The following SPTBN4 variants were observed in gnomAD, a reference collection of about 807,000 sequenced individuals.
The protein encoded by SPTBN4 is spectrin beta chain, non-erythrocytic 4.
Under a neutral mutation model 277.8 loss-of-function variants are expected in SPTBN4, and 96 were observed. The ratio of observed to expected loss-of-function variants is 0.35; its 90% confidence interval spans 0.29 to 0.41. SPTBN4 has a LOEUF of 0.41. Among genes scored for constraint, SPTBN4 ranks in the 10% least tolerant of loss-of-function variants. SPTBN4 has a pLI of 1.00. For missense variants in SPTBN4, 3,006 were observed against 3,595.7 expected, an observed-to-expected ratio of 0.84 and a Z score of 4.19; for synonymous variants, 1,481 against 1,580.3, an observed-to-expected ratio of 0.94 and a Z score of 1.49.
Position 40,565,405 on chromosome 19 carries a change from G to A in SPTBN4, c.5916-18G>A. The A allele has an allele frequency of 6.2e-7, 1 of 1,605,776 alleles. No individual in the cohort carries two copies. The highest frequency in any genetic ancestry group is 8.5e-7 in the Non-Finnish European group (1 of 1,175,180). ...GAGGCTCCCTGTGGCTCAGATCCCT[G>A]CCTGCCACCCACTGCAGGGACGTGT... On this transcript the variant is annotated intron_variant, in intron 27 of 35. Transcript: ENST00000598249.
intron 25 of SPTBN4, among the ~76,000 whole-genome samples, chr19:40,556,700 T>G (rs1379161970): frequency 6.6e-6 from 1 of 151,848 alleles, no homozygotes; most frequent in Non-Finnish European, 1.5e-5. Context: ...CCAAGGCAGG[T>G]GGATCACTTG....
chr19:40,569,993 C>CACAG (rs2081137475), intron 32 of SPTBN4, among the ~76,000 whole-genome samples: 2 of 150,436 alleles, frequency 1.3e-5, no homozygotes, highest in African/African-American at 5.0e-5. Context: ...CACACAGACA[C>CACAG]ACACACACAG....
chr19:40,519,364 C>T lies in SPTBN4; in HGVS notation c.2904-37C>T. 6.8e-7 allele frequency: 1 copy of T among 1,472,836 alleles called. No homozygotes were observed. Among genetic ancestry groups the T allele is most frequent in the Non-Finnish European group, 9.0e-7 (1 of 1,113,608 alleles). 91.2% of individuals were successfully genotyped at this position (1,472,836 alleles called of 1,614,324 possible). A position where few individuals can be genotyped will look rare whatever the true frequency, so the allele number is the denominator to read the frequency against. ...GGGCCCTCCGCGCCCAAGAGGAGTCCCTGTCCTCCTCAAGTCACTCTCTTT... is the reference window on the plus strand; with the variant it reads ...GGGCCCTCCGCGCCCAAGAGGAGTCTCTGTCCTCCTCAAGTCACTCTCTTT... On this transcript the variant is annotated intron_variant, in intron 15 of 35. Transcript: ENST00000598249. The surrounding 1 kb of genome is among the most constrained non-coding windows in gnomAD (Gnocchi z 5.7).
At chr19:40,470,297 C>T (rs2145794168) in intron 1 of SPTBN4, among the ~76,000 whole-genome samples, 1 of 151,932 alleles carries the variant, frequency 6.6e-6, no homozygotes, top group South Asian at 2.1e-4. Flanking sequence ...CCGTGCCCGG[C>T]CTATTTTTAT....
intron 6 of SPTBN4, among the ~76,000 whole-genome samples, chr19:40,496,719 T>G (rs1418509865): frequency 3.3e-5 from 5 of 152,150 alleles, no homozygotes; most frequent in Admixed American, 3.3e-4. Context: ...GTCCTCACAC[T>G]TCTAACCACT....
At chr19:40,565,627 C>G in intron 28 of SPTBN4, 34 bp from the exon 29 acceptor site, 1 of 1,559,656 alleles carries the variant, frequency 6.4e-7, no homozygotes. Context: ...CATTCCACAC[C>G]CTGACTTCCC....
chr19:40,554,479 C>T lies in SPTBN4; in HGVS notation c.4954-37C>T. 2 of 1,486,696 alleles carry T rather than the reference C, an allele frequency of 1.3e-6. No individual in the cohort carries two copies. Among genetic ancestry groups the T allele is most frequent in the South Asian group, 2.7e-5 (2 of 74,320 alleles). 92.1% of individuals were successfully genotyped at this position (1,486,696 alleles called of 1,614,324 possible). A position where few individuals can be genotyped will look rare whatever the true frequency, so the allele number is the denominator to read the frequency against. The stretch of plus-strand genomic sequence containing the variant: ...CTGGGGGCGCTGGAGCCGGGGGCCG[C>T]CGCTGCCGCCTCATCGTGGGCGCTT... On this transcript the variant is annotated intron_variant, in intron 23 of 35. Coordinates refer to ENST00000598249, the MANE Select transcript of SPTBN4 (RefSeq NM_020971.3). The surrounding 1 kb of genome is among the most constrained non-coding windows in gnomAD (Gnocchi z 5.7).
At chr19:40,522,567 G>A (rs535144574) in intron 16 of SPTBN4, among the ~76,000 whole-genome samples, 1 of 150,378 alleles carries the variant, frequency 6.6e-6, no homozygotes, top group Admixed American at 6.6e-5. Context: ...GGCCAGGCTG[G>A]TCTCGAACTC....
intron 13 of SPTBN4, among the ~76,000 whole-genome samples, chr19:40,509,451 G>T (rs1405018355): frequency 6.6e-6 from 1 of 152,040 alleles, no homozygotes; most frequent in South Asian, 2.1e-4. Flanking sequence ...CTCCATGTTG[G>T]TCAGGCTGGT....
At chr19:40,514,497 T>C (rs932071996) in intron 14 of SPTBN4, among the ~76,000 whole-genome samples, 1 of 152,174 alleles carries the variant, frequency 6.6e-6, no homozygotes. Context: ...ACTGATGGGC[T>C]GGAGCGATTT....
In SPTBN4 at chr19:40,513,274, G is replaced by A. The variant is rs1438416625; in HGVS notation, c.2485G>A (p.Val829Met). The change falls in exon 14 of 36, where the codon GTG becomes ATG. Residue 829 changes from valine to methionine, a missense_variant. Physicochemically the swap from Val to Met is conservative, Grantham distance 21. This residue lies in a region of SPTBN4 where 1,759 missense variants were observed against 2,061.5 expected (regional missense o/e 0.85). Coordinates refer to ENST00000598249, the MANE Select transcript of SPTBN4 (RefSeq NM_020971.3). Reference protein sequence around the residue: ...TGEVEAHRGPVSGLRRQLATL... With the variant: ...TGEVEAHRGPMSGLRRQLATL... ...GGAGGTGGAGGCACATCGCGGGCCC[G>A]TGAGCGGCCTGCGGCGCCAGCTGGC... 2.6e-6 allele frequency: 4 copies of A among 1,535,126 alleles called. No individual in the cohort carries two copies. Among genetic ancestry groups the A allele is most frequent in the South Asian group, 2.4e-5 (2 of 83,090 alleles).
chr19:40,575,860 C>A lies in SPTBN4; in HGVS notation c.*291C>A. The A allele has an allele frequency of 3.6e-6, 1 of 274,710 alleles. No individual in the cohort carries two copies. Among genetic ancestry groups the A allele is most frequent in the Non-Finnish European group, 7.0e-6 (1 of 143,182 alleles). The allele number at this position is 274,710 out of a possible 1,614,324, so 17.0% of individuals were successfully genotyped here. ...AGCTTGATGGGGGTGGGCAGGGGGC[C>A]AGTTGAGCCAAGCCCCCAGCCCCGA... is the stretch of plus-strand genomic sequence containing the variant. On this transcript the variant is annotated 3_prime_UTR_variant, in exon 36 of 36. Transcript: ENST00000598249.
At chr19:40,481,539 G>T (rs892055758) in intron 2 of SPTBN4, among the ~76,000 whole-genome samples, 1 of 152,088 alleles carries the variant, frequency 6.6e-6, no homozygotes, top group African/African-American at 2.4e-5. Context: ...GCAGTGGCGC[G>T]ATCTCTGCTC....
At chr19:40,556,994 G>A (rs755620911) in intron 25 of SPTBN4, 29 bp from the exon 26 acceptor site, 296 of 1,507,768 alleles carry the variant, frequency 2.0e-4, no homozygotes, top group Admixed American at 5.0e-4. Context: ...TCACTTTGCT[G>A]TACCCCCCCC....
At position 40,570,605 on chromosome 19, in the gene SPTBN4, G is replaced by A; in HGVS notation, c.7196G>A (p.Arg2399His). 7.2e-7 allele frequency: 1 copy of A among 1,390,254 alleles called. No individual in the cohort carries two copies. The highest frequency in any genetic ancestry group is 9.3e-7 in the Non-Finnish European group (1 of 1,071,748). The allele number at this position is 1,390,254 out of a possible 1,614,324, so 86.1% of individuals were successfully genotyped here. ...GAGGGCGGGGGAAGCCGGCGCTCGC[G>A]CTCCGCCCCGGCCCAGGGCGGCTCC... ...GGEGGGSRRS[R>H]SAPAQGGSAP... Residue 2399 changes from arginine (R) to histidine (H), a missense_variant, in exon 33 of 36, where the codon CGC (arginine) becomes CAC (histidine). Arg to His is a conservative substitution (Grantham distance 29). Coordinates refer to ENST00000598249, the MANE Select transcript of SPTBN4 (RefSeq NM_020971.3).
rs1047643497 is a variant in SPTBN4, at chr19:40,475,662, A to G, written c.169+2872A>G. ...TTTTTAATTGAGGCGGGGTTTCACC[A>G]TGATGGCCAGGCTGGTCTTGAACTC... On this transcript the variant is annotated intron_variant, in intron 2 of 35. Transcript: ENST00000598249. Among the ~76,000 whole-genome samples the G allele has an allele frequency of 2.2e-5, 3 of 136,884 alleles. No homozygotes were observed. The East Asian group carries it at 7.1e-4, about 32-fold the overall frequency. 89.8% of individuals were successfully genotyped at this position (136,884 alleles called of 152,430 possible).
In SPTBN4 at chr19:40,560,984, G is replaced by A. The variant is rs1051283865; in HGVS notation, c.5915+581G>A. 1.3e-5 allele frequency among the ~76,000 whole-genome samples: 2 copies of A among 152,100 alleles called. No homozygotes were observed. The highest frequency in any genetic ancestry group is 2.1e-4 in the South Asian group (1 of 4,814). On this transcript the variant is annotated intron_variant, in intron 27 of 35. Coordinates refer to ENST00000598249, the MANE Select transcript of SPTBN4 (RefSeq NM_020971.3). The surrounding 1 kb of genome is among the most constrained non-coding windows in gnomAD (Gnocchi z 5.2). ...GCCGGCACCCACACACTGCCAGCCCGGTGGCCTAACCTGTCTGCCAGGGAG... is the reference window on the plus strand; with the variant it reads ...GCCGGCACCCACACACTGCCAGCCCAGTGGCCTAACCTGTCTGCCAGGGAG...
intron 26 of SPTBN4, among the ~76,000 whole-genome samples, chr19:40,558,600 TTTTG>T (rs941933828): frequency 1.9e-4 from 29 of 151,334 alleles, no homozygotes; most frequent in South Asian, 4.2e-4. Context: ...GTTGGGCAAT[TTTTG>T]TTTGTTTGTT....
chr19:40,550,698 C>CG (rs141759388), intron 22 of SPTBN4, among the ~76,000 whole-genome samples: 4,074 of 145,980 alleles, frequency 0.028, 83 homozygotes, highest in African/African-American at 0.058. Flanking sequence ...AGATGGACGG[C>CG]GGGGGGTGGG....
Sources: allele counts gnomAD v4.1 joint callset (sites outside exome capture counted in the v4.1 genomes callset), GRCh38; gene constraint gnomAD v4.1.1; regional missense constraint gnomAD v4.1.1; non-coding constraint Gnocchi (gnomAD v3.1); transcripts MANE v1.5; gene names NCBI Gene and HGNC (gene_info 2026-07-23, HGNC 2026-07-21).